Variants in DMD observed in about 807,000 individuals in gnomAD.
DMD encodes dystrophin.
In DMD, 63 loss-of-function variants were observed where a neutral mutation model predicts 330.1. The ratio of observed to expected loss-of-function variants is 0.19; its 90% confidence interval spans 0.16 to 0.24. The LOEUF is 0.24. Ranked by LOEUF, DMD falls within the 10% of genes least tolerant of loss-of-function variation. DMD has a pLI of 1.00. For missense variants in DMD, 3,344 were observed against 2,684.1 expected, an observed-to-expected ratio of 1.25 and a Z score of -5.43; for synonymous variants, 1,223 against 959.8, an observed-to-expected ratio of 1.27 and a Z score of -5.07.
intron 73 of DMD, 32 bp from the exon 74 acceptor site, chrX:31,169,633 T>C (rs769352172): frequency 1.6e-4 from 190 of 1,166,141 alleles, no homozygotes; most frequent in South Asian, 3.0e-4. Context: ...TTTGGTTTTT[T>C]CCCCCCCTTA....
chrX:33,211,154 A>G, intron 1 of DMD, 128 bp downstream of exon 1: 1 of 761,168 alleles, frequency 1.3e-6, no homozygotes, highest in Non-Finnish European at 1.9e-6. Flanking sequence ...TATATGCAGT[A>G]TATATAACAT....
chrX:32,842,149 G>C (rs961635621), intron 4 of DMD, among the ~76,000 whole-genome samples: 1 of 111,995 alleles, frequency 8.9e-6, no homozygotes. Context: ...GAGCCCCATT[G>C]AGAAAAGAAG....
chrX:33,249,195 G>T lies in DMD; in HGVS notation c.7+90064C>A, dbSNP rs765121471. Among the ~76,000 whole-genome samples the T allele has an allele frequency of 8.3e-4, 93 of 111,952 alleles. 1 individual carries two copies. The highest frequency in any genetic ancestry group is 3.0e-3 in the African/African-American group (91 of 30,829). On this transcript the variant is annotated intron_variant, in intron 1 of 17. Coordinates refer to the DMD transcript ENST00000288447. ...GATGGAGTTTTGCTCTTGTTGCCCA[G>T]GCTGGAGTGCAATGGCACAATCTCG...
At chrX:32,442,512 G>A (rs1185866330) in intron 27 of DMD, among the ~76,000 whole-genome samples, 2 of 110,787 alleles carry the variant, frequency 1.8e-5, no homozygotes, top group African/African-American at 6.5e-5. Flanking sequence ...TGTGAGAGAA[G>A]ATATACATGA....
At chrX:33,032,168 G>A (rs988481749) in intron 1 of DMD, among the ~76,000 whole-genome samples, 1 of 111,808 alleles carries the variant, frequency 8.9e-6, no homozygotes, top group South Asian at 3.8e-4. Flanking sequence ...TCAGATATGA[G>A]AGTGTGTCAA....
intron 76 of DMD, among the ~76,000 whole-genome samples, chrX:31,138,686 A>AGAGAGGGAGAGAGAGTGT (rs745406001): frequency 2.3e-5 from 2 of 87,470 alleles, no homozygotes; most frequent in East Asian, 3.9e-4. Flanking sequence ...AGAGAGAGAG[A>AGAGAGGGAGAGAGAGTGT]GAAGGGGGAA....
chrX:32,849,325 C>T (rs1369772167), intron 3 of DMD, among the ~76,000 whole-genome samples: 3 of 111,531 alleles, frequency 2.7e-5, no homozygotes, highest in Admixed American at 9.5e-5. Context: ...TATGCTATCA[C>T]GTATTACACT....
intron 30 of DMD, among the ~76,000 whole-genome samples, chrX:32,390,613 A>G (rs140365215): frequency 0.012 from 1,361 of 112,188 alleles, 11 homozygotes; most frequent in South Asian, 0.078. Context: ...GATTCAGCCA[A>G]CTGTGACAGG....
At chrX:31,250,181 TCA>T (rs756811755) in intron 63 of DMD, among the ~76,000 whole-genome samples, 217 of 111,981 alleles carry the variant, frequency 1.9e-3, no homozygotes, top group Middle Eastern at 0.014. Flanking sequence ...AGTGCATATA[TCA>T]CAGTTTATAT....
chrX:32,009,628 A>C (rs969071435), intron 44 of DMD, among the ~76,000 whole-genome samples: 2 of 111,792 alleles, frequency 1.8e-5, no homozygotes, highest in Admixed American at 1.9e-4. Flanking sequence ...CATTTTTAAA[A>C]GTCTATATTA....
At chrX:31,839,141 A>G (rs2093264315) in intron 48 of DMD, among the ~76,000 whole-genome samples, 1 of 111,662 alleles carries the variant, frequency 9.0e-6, no homozygotes, top group Admixed American at 9.5e-5. Context: ...AAATGATAGC[A>G]AAGACCATTG....
rs770409258 is a variant in DMD, at chrX:32,117,288, GGA to G, written c.6438+99626_6438+99627del. ...GTTGGGAGTCATCAGAATGGGGAACGGAGATATCTTTCAGCAAGGAGGTCCCA... is the reference window on the plus strand; with the variant it reads ...GTTGGGAGTCATCAGAATGGGGAACGGATATCTTTCAGCAAGGAGGTCCCA... On this transcript the variant is annotated intron_variant, in intron 44 of 78. Transcript: ENST00000357033. 7.9e-3 allele frequency among the ~76,000 whole-genome samples: 869 copies of G among 110,615 alleles called. 6 individuals carry two copies. The highest frequency in any genetic ancestry group is 0.027 in the African/African-American group (825 of 30,374).
intron 47 of DMD, among the ~76,000 whole-genome samples, chrX:31,897,955 T>C (rs752404839): frequency 2.2e-3 from 240 of 110,909 alleles, no homozygotes; most frequent in Non-Finnish European, 3.2e-3. Flanking sequence ...ATTTTGGCTT[T>C]TGTTGCCATT....
At chrX:33,273,385 G>A (rs972143844) in intron 1 of DMD, among the ~76,000 whole-genome samples, 2 of 112,205 alleles carry the variant, frequency 1.8e-5, no homozygotes, top group African/African-American at 3.2e-5. Context: ...CTTAATGAGA[G>A]GATTTACATC....
chrX:31,665,432 A>G (rs1444873029), intron 53 of DMD, among the ~76,000 whole-genome samples: 2 of 111,724 alleles, frequency 1.8e-5, no homozygotes, highest in African/African-American at 6.5e-5. Context: ...AATTAAAACG[A>G]CCTATAAAAC....
intron 1 of DMD, among the ~76,000 whole-genome samples, chrX:33,295,202 T>C (rs1413684164): frequency 9.0e-6 from 1 of 111,283 alleles, no homozygotes; most frequent in Non-Finnish European, 1.9e-5. Flanking sequence ...TCTTAATTAT[T>C]TTACTACATT....
intron 29 of DMD, among the ~76,000 whole-genome samples, chrX:32,424,948 C>G (rs1024186742): frequency 1.8e-5 from 2 of 111,522 alleles, no homozygotes; most frequent in African/African-American, 6.5e-5. Context: ...AGATGCTAAT[C>G]AAAGATAACG....
chrX:31,577,513 C>T (rs550849246), intron 55 of DMD, among the ~76,000 whole-genome samples: 1 of 112,144 alleles, frequency 8.9e-6, no homozygotes, highest in South Asian at 3.7e-4. Flanking sequence ...CTGGACAATA[C>T]TTATTTTGTG....
chrX:32,841,849 G>A (rs185896439), intron 4 of DMD, among the ~76,000 whole-genome samples: 1 of 111,764 alleles, frequency 8.9e-6, no homozygotes, highest in African/African-American at 3.3e-5. Context: ...TATCCAAGTG[G>A]AGAACTTGTT....
Sources: gnomAD v4.1 joint callset for allele counts (sites outside exome capture counted in the v4.1 genomes callset) on GRCh38, gnomAD v4.1.1 for gene constraint, MANE v1.5 for transcripts, NCBI Gene and HGNC (gene_info 2026-07-23, HGNC 2026-07-21) for gene names.